The following BTK variants were observed in gnomAD, a reference collection of about 807,000 sequenced individuals.
BTK encodes tyrosine-protein kinase BTK.
In BTK, 5 loss-of-function variants were observed where a neutral mutation model predicts 57.4. The observed-to-expected ratio is 0.09, with a 90% CI of 0.05 to 0.18. The LOEUF is 0.18. Ranked by LOEUF, BTK falls within the 10% of genes least tolerant of loss-of-function variation. BTK has a pLI of 1.00. For synonymous variants in BTK, 154 were observed against 174.3 expected (o/e 0.88, Z 0.92); for missense variants, 194 against 501.2 (o/e 0.39, Z 5.85).
rs1049963617 is a variant in BTK at position 101,356,966 on chromosome X, A to C, written c.1178-11T>G. On this transcript the variant is annotated splice_polypyrimidine_tract_variant and intron_variant, in intron 13 of 18. Transcript: ENST00000308731. ...CAATTTCCCATGATCCTAACAATAA[A>C]GTCTTGGTGTGATTCTTTGGGGTCA... The C allele has an allele frequency of 1.7e-6, 2 of 1,210,304 alleles. No homozygotes were observed.
At chrX:101,388,012 G>A, upstream of BTK, among the ~76,000 whole-genome samples, 1 of 110,535 alleles carries the variant, frequency 9.0e-6, no homozygotes, top group Middle Eastern at 4.6e-3. Flanking sequence ...GACTACAGGT[G>A]CCTGCCACCA....
chrX:101,374,529 T>G lies in BTK; in HGVS notation c.240+7A>C, dbSNP rs782299012. 6 of 1,201,483 alleles carry G rather than the reference T, an allele frequency of 5.0e-6. No individual in the cohort carries two copies. The Admixed American group carries it at 1.3e-4, about 26-fold the overall frequency. The stretch of plus-strand genomic sequence containing the variant: ...GTTCCCCATCTCAGACATTGGTCTC[T>G]TCTTACCGGAATCTGTCTTTCTGGA... On this transcript the variant is annotated splice_region_variant and intron_variant, in intron 3 of 18. Coordinates refer to ENST00000308731, the MANE Select transcript of BTK (RefSeq NM_000061.3).
At chrX:101,374,305 A>C (rs1358300807) in intron 3 of BTK, 1 of 396,889 alleles carries the variant, frequency 2.5e-6, no homozygotes, top group Non-Finnish European at 4.4e-6. Context: ...TAGATATAGC[A>C]TCATTTAAAA....
intron 10 of BTK, 37 bp from the exon 11 acceptor site, chrX:101,358,733 G>A (rs1926565737): frequency 1.4e-5 from 16 of 1,113,878 alleles, no homozygotes; most frequent in Non-Finnish European, 1.9e-5. Context: ...GTAGGAGGAA[G>A]TGGTGCTCAC....
At chrX:101,355,006 C>T (rs782093836) in intron 15 of BTK, among the ~76,000 whole-genome samples, 2 of 112,748 alleles carry the variant, frequency 1.8e-5, no homozygotes, top group South Asian at 3.6e-4. Context: ...AGGCTGGGTG[C>T]AGTGGCTCAC....
At chrX:101,378,404 T>A (rs1009901153) in intron 1 of BTK, among the ~76,000 whole-genome samples, 30 of 110,761 alleles carry the variant, frequency 2.7e-4, no homozygotes, top group African/African-American at 7.6e-4. Context: ...CCAATTTTTT[T>A]AAAACAATTT....
intron 3 of BTK, among the ~76,000 whole-genome samples, chrX:101,373,527 A>T (rs1209230394): frequency 1.8e-5 from 2 of 112,224 alleles, no homozygotes; most frequent in African/African-American, 6.5e-5. Context: ...ACAAAGCAAG[A>T]TGTGTACTAT....
chrX:101,351,594 T>G (rs1253934831), intron 18 of BTK, among the ~76,000 whole-genome samples: 2 of 111,559 alleles, frequency 1.8e-5, no homozygotes, highest in Non-Finnish European at 3.8e-5. Flanking sequence ...GATTCACATA[T>G]GCACTTGTTG....
At position 101,358,835 on chromosome X, in the gene BTK, C is replaced by T. The variant is rs1926569082; in HGVS notation, c.895-139G>A. The stretch of plus-strand genomic sequence containing the variant: ...CCACGCTTGAGCTACAGCCTCATTG[C>T]TTTTAATATTAAAAGGTGCAGGCCG... On this transcript the variant is annotated intron_variant, in intron 10 of 18. Transcript: ENST00000308731. 1.1e-5 allele frequency: 6 copies of T among 553,160 alleles called. No homozygotes were observed. In the East Asian group the frequency reaches 2.2e-4, roughly 20 times the overall value. The allele number at this position is 553,160 out of a possible 1,213,427, so 45.6% of individuals were successfully genotyped here.
intron 12 of BTK, 192 bp downstream of exon 12, chrX:101,358,116 TAA>T (rs1926548191): frequency 1.7e-6 from 1 of 599,143 alleles, no homozygotes; most frequent in African/African-American, 2.2e-5. Flanking sequence ...AATCACCAAA[TAA>T]AGAGTCAGTC....
chrX:101,377,550 T>C (rs946444655), intron 1 of BTK, among the ~76,000 whole-genome samples: 2 of 111,482 alleles, frequency 1.8e-5, no homozygotes, highest in Non-Finnish European at 3.8e-5. Flanking sequence ...AGGCTCTTGG[T>C]GGATACATTC....
Position 101,355,852 on chromosome X carries a change from C to T in BTK, c.1566+200G>A, listed in dbSNP as rs1926460456. On this transcript the variant is annotated intron_variant, in intron 15 of 18. Transcript: ENST00000308731. ...TGAGTGACTGCTCTGATTCCCACCA[C>T]GGCAGACTTCATGGAGCTGAGGCTG... 4 of 476,136 alleles carry T rather than the reference C, an allele frequency of 8.4e-6. No individual in the cohort carries two copies. In the South Asian group the frequency reaches 8.6e-5, roughly 10 times the overall value. The allele number at this position is 476,136 out of a possible 1,213,427, so 39.2% of individuals were successfully genotyped here.
At chrX:101,383,482 C>G (rs1175347303) in intron 1 of BTK, among the ~76,000 whole-genome samples, 1 of 110,715 alleles carries the variant, frequency 9.0e-6, no homozygotes, top group Non-Finnish European at 1.9e-5. Context: ...ATCCTTATCT[C>G]TTTTCTGGTC....
chrX:101,369,404 A>C (rs1465444708), intron 5 of BTK, among the ~76,000 whole-genome samples: 1 of 112,068 alleles, frequency 8.9e-6, no homozygotes, highest in African/African-American at 3.2e-5. Context: ...CCAGTTTGTA[A>C]ATGGTAAAAG....
At chrX:101,385,559 G>A (rs1555982385) in intron 1 of BTK, among the ~76,000 whole-genome samples, 1 of 112,291 alleles carries the variant, frequency 8.9e-6, no homozygotes, top group African/African-American at 3.2e-5. Flanking sequence ...CCTACACCCT[G>A]GCCTAGCCAG....
At chrX:101,369,089 C>T (rs1301953334) in intron 5 of BTK, among the ~76,000 whole-genome samples, 1 of 112,382 alleles carries the variant, frequency 8.9e-6, no homozygotes, top group African/African-American at 3.2e-5. Flanking sequence ...CAAGCATTTA[C>T]AGTCAAGTTT....
Position 101,349,631 on chromosome X carries a change from A to G in BTK, c.*254T>C. Reference sequence around the variant, plus strand: ...CTATTTACATCCTCCCTCCTAAAAAATATTTTCATCGCAAATTCAGTCTGT... The same window carrying G: ...CTATTTACATCCTCCCTCCTAAAAAGTATTTTCATCGCAAATTCAGTCTGT... On this transcript the variant is annotated 3_prime_UTR_variant, in exon 19 of 19. Coordinates refer to ENST00000308731, the MANE Select transcript of BTK (RefSeq NM_000061.3). 1 of 364,624 alleles carries G rather than the reference A, an allele frequency of 2.7e-6. No individual in the cohort carries two copies. The highest frequency in any genetic ancestry group is 4.2e-5 in the East Asian group (1 of 23,727). 30.0% of individuals were successfully genotyped at this position (364,624 alleles called of 1,213,427 possible).
intron 5 of BTK, among the ~76,000 whole-genome samples, chrX:101,365,043 C>T (rs782371259): frequency 1.8e-5 from 2 of 111,671 alleles, no homozygotes; most frequent in Non-Finnish European, 3.8e-5. Flanking sequence ...CACGCCCAGC[C>T]CCTAGAGGGA....
At chrX:101,381,319 C>A (rs1350783137) in intron 1 of BTK, among the ~76,000 whole-genome samples, 1 of 111,704 alleles carries the variant, frequency 9.0e-6, no homozygotes, top group African/African-American at 3.3e-5. Flanking sequence ...AACTGGCAAA[C>A]CTAGGTCCAG....
Sources: allele counts gnomAD v4.1 joint callset (sites outside exome capture counted in the v4.1 genomes callset), GRCh38; gene constraint gnomAD v4.1.1; transcripts MANE v1.5; gene names NCBI Gene and HGNC (gene_info 2026-07-23, HGNC 2026-07-21).